Variants in GALNT17 observed in about 807,000 individuals in gnomAD.
GALNT17 encodes the protein UDP-GalNAc:polypeptide N-acetylgalactosaminyltransferase-like 3.
A neutral mutation model predicts 63.7 loss-of-function variants in GALNT17; 29 were observed. The observed-to-expected ratio is 0.46, with a 90% CI of 0.34 to 0.62. The LOEUF is 0.62. GALNT17 is among the 20% of genes least tolerant of loss of function. The pLI is 0.01. For missense variants in GALNT17, 603 were observed against 799.6 expected, an observed-to-expected ratio of 0.75 and a Z score of 2.97; for synonymous variants, 305 against 318.3, an observed-to-expected ratio of 0.96 and a Z score of 0.45.
chr7:71,526,548 C>T (rs1201759331), intron 5 of GALNT17, among the ~76,000 whole-genome samples: 1 of 151,940 alleles, frequency 6.6e-6, no homozygotes, highest in Non-Finnish European at 1.5e-5. Flanking sequence ...GAGACAGAGT[C>T]TCTCTCTGTC....
chr7:71,413,903 G>A (rs762740831), intron 3 of GALNT17, among the ~76,000 whole-genome samples: 13 of 148,250 alleles, frequency 8.8e-5, no homozygotes, highest in Non-Finnish European at 1.7e-4. Flanking sequence ...CATTGTAAGA[G>A]TGAGAATGGT....
chr7:71,614,501 G>T (rs1341265413), intron 6 of GALNT17, among the ~76,000 whole-genome samples: 1 of 152,034 alleles, frequency 6.6e-6, no homozygotes, highest in East Asian at 1.9e-4. Flanking sequence ...CATGCCTGTG[G>T]TTCCAGCCAC....
chr7:71,251,611 T>G (rs1180614931), intron 1 of GALNT17, among the ~76,000 whole-genome samples: 2 of 152,106 alleles, frequency 1.3e-5, no homozygotes, highest in African/African-American at 4.8e-5. Flanking sequence ...GGGGTCTCAC[T>G]GTGTTGCCCA....
intron 2 of GALNT17, among the ~76,000 whole-genome samples, chr7:71,363,526 C>T (rs976714021): frequency 2.0e-5 from 3 of 152,194 alleles, no homozygotes; most frequent in African/African-American, 7.2e-5. Flanking sequence ...TGATTGAGAC[C>T]TTTCTGTGTC....
chr7:71,713,187 G>C lies in GALNT17; in HGVS notation c.*1041G>C, dbSNP rs973602271. The C allele has an allele frequency of 6.5e-6, 1 of 152,862 alleles. No homozygotes were observed. The highest frequency in any genetic ancestry group is 1.5e-5 in the Non-Finnish European group (1 of 68,226). The allele number at this position is 152,862 out of a possible 1,614,324, so 9.5% of individuals were successfully genotyped here. On this transcript the variant is annotated 3_prime_UTR_variant, in exon 11 of 11. Transcript: ENST00000333538. ...AACGCGTGTGCATGCACAAGTGTGT[G>C]TGTGCCTGCGTGCTGTGCGTGGCAG... is the stretch of plus-strand genomic sequence containing the variant.
In GALNT17 at chr7:71,375,647, TG is replaced by T. The variant is rs371164600; in HGVS notation, c.423-12584del. The stretch of plus-strand genomic sequence containing the variant: ...GCTGCCCAGGCTGGTCTCAAACTCT[TG>T]GGGTCAAGTGATCCTCCTCCCTGGG... On this transcript the variant is annotated intron_variant, in intron 2 of 10. Transcript: ENST00000333538. 5.5e-4 allele frequency among the ~76,000 whole-genome samples: 84 copies of T among 152,294 alleles called. 3 individuals are homozygous for T. The South Asian group carries it at 0.016, about 30-fold the overall frequency.
intron 2 of GALNT17, among the ~76,000 whole-genome samples, chr7:71,381,533 C>T (rs1792847209): frequency 6.6e-6 from 1 of 152,138 alleles, no homozygotes; most frequent in Non-Finnish European, 1.5e-5. Context: ...AATCCCAGCA[C>T]TTTGAGAGGC....
chr7:71,438,386 T>C (rs1378662867), intron 5 of GALNT17, among the ~76,000 whole-genome samples: 1 of 152,176 alleles, frequency 6.6e-6, no homozygotes, highest in Non-Finnish European at 1.5e-5. Context: ...TGCTGGTTAG[T>C]GCCCACCCAG....
intron 1 of GALNT17, among the ~76,000 whole-genome samples, chr7:71,204,911 A>C (rs1216745630): frequency 6.6e-6 from 1 of 151,724 alleles, no homozygotes; most frequent in East Asian, 1.9e-4. Flanking sequence ...ATGCCTGGTA[A>C]ATTTTTGTAT....
intron 9 of GALNT17, among the ~76,000 whole-genome samples, chr7:71,690,502 C>T (rs6978866): frequency 0.75 from 114,763 of 152,186 alleles, 43,411 homozygotes; most frequent in East Asian, 0.85. Flanking sequence ...CTGCAGCCCA[C>T]GGATCAAGGA....
chr7:71,374,942 C>T (rs1178787889), intron 2 of GALNT17, among the ~76,000 whole-genome samples: 8 of 148,254 alleles, frequency 5.4e-5, no homozygotes, highest in South Asian at 4.2e-4. Flanking sequence ...TGGGTTAAAG[C>T]GATTCTCATG....
chr7:71,683,076 C>T (rs1791292298), intron 9 of GALNT17, among the ~76,000 whole-genome samples: 1 of 152,096 alleles, frequency 6.6e-6, no homozygotes, highest in South Asian at 2.1e-4. Context: ...AAAGCTCCTG[C>T]CATGGAGCTG....
At chr7:71,191,517 G>A (rs537679180) in intron 1 of GALNT17, among the ~76,000 whole-genome samples, 2 of 152,162 alleles carry the variant, frequency 1.3e-5, no homozygotes, top group Non-Finnish European at 2.9e-5. Flanking sequence ...ACTGCATGTG[G>A]CTATGTTTCA....
chr7:71,496,611 A>G (rs544308743), intron 5 of GALNT17, among the ~76,000 whole-genome samples: 6 of 152,158 alleles, frequency 3.9e-5, no homozygotes, highest in African/African-American at 1.4e-4. Flanking sequence ...AGAGACCATG[A>G]GGGAGGGTGA....
chr7:71,424,040 T>C (rs1786713687), intron 5 of GALNT17, among the ~76,000 whole-genome samples: 1 of 152,202 alleles, frequency 6.6e-6, no homozygotes, highest in Non-Finnish European at 1.5e-5. Flanking sequence ...GAGAAGGTAA[T>C]CTTTTGGGTC....
At chr7:71,221,383 CTTT>C (rs33954579) in intron 1 of GALNT17, among the ~76,000 whole-genome samples, 33,980 of 109,772 alleles carry the variant, frequency 0.31, 5,078 homozygotes, top group South Asian at 0.45. Flanking sequence ...TACAGCCATG[CTTT>C]TTTTTTTTTT....
At chr7:71,571,106 AGGCTGGAACCCAGTACATG>A (rs752968638) in intron 5 of GALNT17, among the ~76,000 whole-genome samples, 160 bp from the exon 6 acceptor site, 15,134 of 151,468 alleles carry the variant, frequency 0.1, 1,588 homozygotes, top group African/African-American at 0.23. Flanking sequence ...AGTACATGCT[AGGCTGGAACCCAGTACATG>A]CTAGGCTGGA....
intron 9 of GALNT17, among the ~76,000 whole-genome samples, chr7:71,693,309 C>CATATATATATATATATATATATATATAT (rs369668179): frequency 1.6e-5 from 2 of 124,192 alleles, no homozygotes; most frequent in Non-Finnish European, 3.3e-5. Context: ...CACACACACA[C>CATATATATATATATATATATATATATAT]ATATATATAT....
chr7:71,642,543 T>C (rs1164700505), intron 6 of GALNT17, among the ~76,000 whole-genome samples: 1 of 152,164 alleles, frequency 6.6e-6, no homozygotes, highest in African/African-American at 2.4e-5. Context: ...ACCAAAGCTC[T>C]TCTAGATTCT....
Sources: gnomAD v4.1 joint callset for allele counts (sites outside exome capture counted in the v4.1 genomes callset) on GRCh38, gnomAD v4.1.1 for gene constraint, MANE v1.5 for transcripts, NCBI Gene and HGNC (gene_info 2026-07-23, HGNC 2026-07-21) for gene names.